The following PAPLN variants were observed in gnomAD, a reference collection of about 807,000 sequenced individuals.
PAPLN encodes the protein papilin.
Under a neutral mutation model 159.0 loss-of-function variants are expected in PAPLN, and 146 were observed. That is an observed-to-expected ratio of 0.92 (90% confidence interval 0.80 to 1.05). PAPLN has a LOEUF of 1.05. PAPLN is among the 50% of genes least tolerant of loss of function. The pLI is 0.00. For synonymous variants in PAPLN, 734 were observed against 702.9 expected (o/e 1.04, Z -0.70); for missense variants, 1,720 against 1,743.9 (o/e 0.99, Z 0.24).
At chr14:73,248,648 C>T (rs772940274) in intron 5 of PAPLN, among the ~76,000 whole-genome samples, 76 of 151,194 alleles carry the variant, frequency 5.0e-4, no homozygotes, top group Non-Finnish European at 8.5e-4. Context: ...ACCAAAAATA[C>T]GAAGATTAGC....
intron 5 of PAPLN, among the ~76,000 whole-genome samples, chr14:73,246,644 T>C (rs938303226): frequency 1.5e-5 from 2 of 137,096 alleles, no homozygotes; most frequent in African/African-American, 5.1e-5. Context: ...CTTTCTTTCT[T>C]TTTTTTTTTT....
At chr14:73,271,019 T>C (rs907137213) in intron 26 of PAPLN, among the ~76,000 whole-genome samples, 35 of 152,148 alleles carry the variant, frequency 2.3e-4, no homozygotes, top group African/African-American at 7.7e-4. Context: ...GTGAAGTAGG[T>C]TGCTGTTGCT....
intron 11 of PAPLN, chr14:73,253,012 G>T: frequency 9.5e-7 from 1 of 1,050,756 alleles, no homozygotes; most frequent in Non-Finnish European, 1.4e-6. Context: ...GAACACCTAG[G>T]CTTGGTGGCA....
chr14:73,240,004 C>G (rs1883368203), intron 2 of PAPLN, among the ~76,000 whole-genome samples, 172 bp downstream of exon 2: 2 of 152,228 alleles, frequency 1.3e-5, no homozygotes, highest in Admixed American at 1.3e-4. Context: ...GCCCTTGAAG[C>G]CAGCTGGCCA....
In PAPLN at chr14:73,239,902, G is replaced by A. The variant is rs114630416; in HGVS notation, c.54+70G>A. ...GTCGGGGGCGGGGACGCGCGGGCCC[G>A]CAGGCAACGTCCCCAGGAAAGGGGC... On this transcript the variant is annotated intron_variant, in intron 2 of 26. Coordinates refer to ENST00000644200, the MANE Select transcript of PAPLN (RefSeq NM_001365906.3). The A allele has an allele frequency of 4.7e-3, 6,926 of 1,481,962 alleles. 242 individuals carry two copies. The African/African-American group carries it at 0.078, about 17-fold the overall frequency. 91.8% of individuals were successfully genotyped at this position (1,481,962 alleles called of 1,614,324 possible).
chr14:73,267,870 C>G (rs556559506), intron 25 of PAPLN, among the ~76,000 whole-genome samples: 2 of 152,278 alleles, frequency 1.3e-5, no homozygotes, highest in East Asian at 3.9e-4. Context: ...CCTCTATGTC[C>G]CTGCAGACCC....
At chr14:73,252,935 G>A (rs984035618) in intron 11 of PAPLN, among the ~76,000 whole-genome samples, 160 bp downstream of exon 11, 3 of 152,136 alleles carry the variant, frequency 2.0e-5, no homozygotes, top group Non-Finnish European at 2.9e-5. Flanking sequence ...CTCTTCCTGG[G>A]GGAGGCAGAG....
chr14:73,257,700 CCCA>C (rs1886072766), intron 14 of PAPLN, among the ~76,000 whole-genome samples: 1 of 151,262 alleles, frequency 6.6e-6, no homozygotes, highest in East Asian at 2.0e-4. Flanking sequence ...CTATCTCAAT[CCCA>C]CAACTAGTAT....
rs963067535 is a variant in PAPLN, at chr14:73,250,818, C to T, written c.466-89C>T. 4.1e-5 allele frequency: 59 copies of T among 1,440,674 alleles called. 1 individual carries two copies. Among genetic ancestry groups the T allele is most frequent in the South Asian group, 3.1e-4 (21 of 66,920 alleles). The allele number at this position is 1,440,674 out of a possible 1,614,324, so 89.2% of individuals were successfully genotyped here. On this transcript the variant is annotated intron_variant, in intron 6 of 26. Transcript: ENST00000644200. ...CGACCACCCTATCCTGCCTGGGCTG[C>T]GTGGGTGCTGGGGTTAGGATGCGAC... is the stretch of plus-strand genomic sequence containing the variant.
chr14:73,250,264 C>T (rs2140229573), intron 6 of PAPLN, 150 bp downstream of exon 6: 1 of 1,104,760 alleles, frequency 9.1e-7, no homozygotes, highest in South Asian at 1.9e-5. Flanking sequence ...TCCTAGGGTA[C>T]CTTGCAGGCA....
At chr14:73,261,870 C>T (rs1286846350) in intron 18 of PAPLN, among the ~76,000 whole-genome samples, 2 of 151,752 alleles carry the variant, frequency 1.3e-5, no homozygotes, top group African/African-American at 2.4e-5. Flanking sequence ...GCTGGAATGG[C>T]AGGCTGGGTG....
intron 6 of PAPLN, 86 bp from the exon 7 acceptor site, chr14:73,250,821 G>T: frequency 6.9e-7 from 1 of 1,454,170 alleles, no homozygotes; most frequent in South Asian, 1.5e-5. Context: ...TGGGCTGCGT[G>T]GGTGCTGGGG....
In PAPLN at chr14:73,259,553, C is replaced by G. The variant is rs1278159909; in HGVS notation, c.1985+8C>G. On this transcript the variant is annotated splice_region_variant and intron_variant, in intron 16 of 26. Transcript: ENST00000644200. ...CCCCTGTCAGCAGAGCAGGTGGGTG[C>G]TGGAGACAGGTCTTCCTCCTCCCCC... 6.6e-7 allele frequency: 1 copy of G among 1,526,028 alleles called. No individual in the cohort carries two copies. Among genetic ancestry groups the G allele is most frequent in the East Asian group, 2.4e-5 (1 of 42,084 alleles). 94.5% of individuals were successfully genotyped at this position (1,526,028 alleles called of 1,614,324 possible). A position where few individuals can be genotyped will look rare whatever the true frequency, so the allele number is the denominator to read the frequency against.
At position 73,245,505 on chromosome 14, in the gene PAPLN, TC is replaced by T; in HGVS notation, c.171-130del. Reference sequence around the variant, plus strand: ...CACCTGGGGGATTTACGGGGTGGGGTCGGGGGACACCCTCTCACCTTGCTGC... The same window carrying T: ...CACCTGGGGGATTTACGGGGTGGGGTGGGGGACACCCTCTCACCTTGCTGC... On this transcript the variant is annotated intron_variant, in intron 3 of 26. Coordinates refer to ENST00000644200, the MANE Select transcript of PAPLN (RefSeq NM_001365906.3). This position sits in a 1 kb window ranked among gnomAD's most constrained non-coding sequence, Gnocchi z 4.2. 1.0e-6 allele frequency: 1 copy of T among 987,096 alleles called. No individual in the cohort carries two copies. Among genetic ancestry groups the T allele is most frequent in the Non-Finnish European group, 1.5e-6 (1 of 677,802 alleles). The allele number at this position is 987,096 out of a possible 1,614,324, so 61.1% of individuals were successfully genotyped here.
At chr14:73,271,181 A>G (rs1315454785) in intron 26 of PAPLN, among the ~76,000 whole-genome samples, 1 of 152,182 alleles carries the variant, frequency 6.6e-6, no homozygotes, top group Non-Finnish European at 1.5e-5. Context: ...CTGAGTTCCC[A>G]CTATGATGGG....
rs878978376 is a variant in PAPLN at position 73,272,806 on chromosome 14, T to C, written c.*142T>C. ...TTAGCTCTTTCAAAAACCCACCCAGTGTTTAGCCTCAACGGCAGCCAGTTA... is the reference window on the plus strand; with the variant it reads ...TTAGCTCTTTCAAAAACCCACCCAGCGTTTAGCCTCAACGGCAGCCAGTTA... On this transcript the variant is annotated 3_prime_UTR_variant, in exon 27 of 27. Transcript: ENST00000644200. 3.3e-6 allele frequency: 3 copies of C among 898,472 alleles called. No individual in the cohort carries two copies. The highest frequency in any genetic ancestry group is 3.0e-6 in the Non-Finnish European group (2 of 661,286). 55.7% of individuals were successfully genotyped at this position (898,472 alleles called of 1,614,324 possible). A position where few individuals can be genotyped will look rare whatever the true frequency, so the allele number is the denominator to read the frequency against.
At position 73,252,251 on chromosome 14, in the gene PAPLN, T is replaced by C. The variant is rs537834453; in HGVS notation, c.967+110T>C. The C allele has an allele frequency of 6.9e-5, 96 of 1,401,316 alleles. No individual in the cohort carries two copies. In the African/African-American group the frequency reaches 1.2e-3, roughly 18 times the overall value. 86.8% of individuals were successfully genotyped at this position (1,401,316 alleles called of 1,614,324 possible). A position where few individuals can be genotyped will look rare whatever the true frequency, so the allele number is the denominator to read the frequency against. On this transcript the variant is annotated intron_variant, in intron 10 of 26. Coordinates refer to ENST00000644200, the MANE Select transcript of PAPLN (RefSeq NM_001365906.3). Reference sequence around the variant, plus strand: ...CTCAAGGCAGTCCCTCCTGGGGAGATGGACAAGTAGGCGAGAAATCTCTGT... The same window carrying C: ...CTCAAGGCAGTCCCTCCTGGGGAGACGGACAAGTAGGCGAGAAATCTCTGT...
chr14:73,257,846 C>T (rs1317737093), intron 14 of PAPLN, among the ~76,000 whole-genome samples: 1 of 149,670 alleles, frequency 6.7e-6, no homozygotes, highest in South Asian at 2.1e-4. Context: ...TCACTGCAAC[C>T]TCTGCCTCCC....
intron 14 of PAPLN, among the ~76,000 whole-genome samples, chr14:73,255,733 G>A (rs1885832335): frequency 6.6e-6 from 1 of 152,190 alleles, no homozygotes; most frequent in Non-Finnish European, 1.5e-5. Context: ...ACTCGTGATG[G>A]GGACTCTATG....
Sources: allele counts gnomAD v4.1 joint callset (sites outside exome capture counted in the v4.1 genomes callset), GRCh38; gene constraint gnomAD v4.1.1; non-coding constraint Gnocchi (gnomAD v3.1); transcripts MANE v1.5; gene names NCBI Gene and HGNC (gene_info 2026-07-23, HGNC 2026-07-21).